UBE2K: variants seen among roughly 807,000 people sequenced by gnomAD.
UBE2K encodes the protein ubiquitin-conjugating enzyme E2 K.
In UBE2K, 6 loss-of-function variants were observed where a neutral mutation model predicts 30.0. The ratio of observed to expected loss-of-function variants is 0.20; its 90% CI spans 0.11 to 0.39. The LOEUF (loss-of-function observed/expected upper bound fraction) is 0.39, where lower values mean the gene tolerates loss of function less well. UBE2K is among the 10% of genes least tolerant of loss of function. The pLI, the probability that UBE2K is intolerant of heterozygous loss-of-function variation, is 1.00. For missense variants in UBE2K, 61 were observed against 241.6 expected (o/e 0.25, Z 4.96); for synonymous variants, 86 against 83.7 (o/e 1.03, Z -0.15).
At chr4:39,777,912 A>C in intron 6 of UBE2K, 102 bp downstream of exon 6, 1 of 1,160,624 alleles carries the variant, frequency 8.6e-7, no homozygotes, top group Non-Finnish European at 1.1e-6. Context: ...AGAAATTCGC[A>C]GCCTGGGCAA....
At chr4:39,719,623 A>C (rs1719310237) in intron 1 of UBE2K, among the ~76,000 whole-genome samples, 1 of 151,768 alleles carries the variant, frequency 6.6e-6, no homozygotes, top group African/African-American at 2.4e-5. Context: ...TAGTCTATGT[A>C]CTCTTTTCTC....
chr4:39,699,454 G>A (rs1440664753), intron 1 of UBE2K, among the ~76,000 whole-genome samples: 1 of 152,128 alleles, frequency 6.6e-6, no homozygotes, highest in African/African-American at 2.4e-5. Flanking sequence ...GCAGAATTTA[G>A]ATACATTTGT....
chr4:39,703,440 G>A (rs936853757), intron 1 of UBE2K, among the ~76,000 whole-genome samples: 9 of 152,096 alleles, frequency 5.9e-5, no homozygotes, highest in Non-Finnish European at 8.8e-5. Context: ...TTGAGCCCAT[G>A]AGGTCAAGGC....
At chr4:39,707,735 G>A (rs1216761936) in intron 1 of UBE2K, among the ~76,000 whole-genome samples, 1 of 151,496 alleles carries the variant, frequency 6.6e-6, no homozygotes, top group Non-Finnish European at 1.5e-5. Flanking sequence ...GCCCAGGTTG[G>A]TCTTGAACTC....
At chr4:39,767,320 TTTTG>T (rs539102189) in intron 4 of UBE2K, among the ~76,000 whole-genome samples, 32 of 150,014 alleles carry the variant, frequency 2.1e-4, no homozygotes, top group Admixed American at 1.4e-3. Context: ...TGTGTGTGTG[TTTTG>T]TTTGTTTGTT....
intron 1 of UBE2K, among the ~76,000 whole-genome samples, chr4:39,706,492 A>G (rs1454590152): frequency 2.9e-5 from 4 of 137,886 alleles, no homozygotes; most frequent in Non-Finnish European, 6.3e-5. Flanking sequence ...TTTTTTTCCC[A>G]GATGGAATCT....
At chr4:39,733,185 A>AT (rs1720176646) in intron 1 of UBE2K, among the ~76,000 whole-genome samples, 1 of 151,994 alleles carries the variant, frequency 6.6e-6, no homozygotes, top group Non-Finnish European at 1.5e-5. Context: ...ATTCTTCAGA[A>AT]TTTCACCCAA....
rs1369630912 is a variant in UBE2K, at chr4:39,780,055, A to G, written c.*1621A>G. On this transcript the variant is annotated 3_prime_UTR_variant, in exon 7 of 7. Transcript: ENST00000261427. ...AAAATTTGTAAGGCTTTCCTAATTAACAGTAAACTCTTATAGCTGATATTA... is the reference window on the plus strand; with the variant it reads ...AAAATTTGTAAGGCTTTCCTAATTAGCAGTAAACTCTTATAGCTGATATTA... 5 of 152,172 alleles carry G rather than the reference A, an allele frequency of 3.3e-5. No homozygotes were observed. Among genetic ancestry groups the G allele is most frequent in the Admixed American group, 3.3e-4 (5 of 15,272 alleles). The allele number at this position is 152,172 out of a possible 1,614,324, so 9.4% of individuals were successfully genotyped here.
intron 1 of UBE2K, among the ~76,000 whole-genome samples, chr4:39,721,034 C>G (rs977688422): frequency 4.6e-5 from 7 of 152,062 alleles, no homozygotes; most frequent in African/African-American, 1.7e-4. Flanking sequence ...GGCCTGAGCC[C>G]CTGCCTGGCC....
chr4:39,753,131 A>G (rs1018233737), intron 3 of UBE2K, among the ~76,000 whole-genome samples: 1 of 152,240 alleles, frequency 6.6e-6, no homozygotes, highest in African/African-American at 2.4e-5. Context: ...GCTCACGCCT[A>G]TAATCCTAGT....
In UBE2K at chr4:39,781,226, T is replaced by A. The variant is rs1027128344; in HGVS notation, c.*2792T>A. 1 of 152,164 alleles carries A rather than the reference T, an allele frequency of 6.6e-6. No individual in the cohort carries two copies. Among genetic ancestry groups the A allele is most frequent in the African/African-American group, 2.4e-5 (1 of 41,466 alleles). The allele number at this position is 152,164 out of a possible 1,614,324, so 9.4% of individuals were successfully genotyped here. ...ACCCCGAAATGTTTGGAATCACGAC[T>A]ATGATTTACTTAAACACGTAACACA... On this transcript the variant is annotated 3_prime_UTR_variant, in exon 7 of 7. Coordinates refer to ENST00000261427, the MANE Select transcript of UBE2K (RefSeq NM_005339.5).
At chr4:39,770,602 T>A in intron 4 of UBE2K, 1 of 1,588,264 alleles carries the variant, frequency 6.3e-7, no homozygotes. Context: ...CCTCCCGGAG[T>A]CAACAGCAGG....
chr4:39,749,004 G>A (rs1026638233), intron 3 of UBE2K, among the ~76,000 whole-genome samples: 2 of 152,156 alleles, frequency 1.3e-5, no homozygotes, highest in African/African-American at 2.4e-5. Context: ...TTGCTGAATT[G>A]TGTGTTCACA....
At chr4:39,764,106 A>G (rs1712151486) in intron 4 of UBE2K, among the ~76,000 whole-genome samples, 1 of 152,166 alleles carries the variant, frequency 6.6e-6, no homozygotes, top group Non-Finnish European at 1.5e-5. Flanking sequence ...CTGTAATCCT[A>G]GCATTTGGGA....
chr4:39,739,706 A>C (rs1720587207), intron 2 of UBE2K, among the ~76,000 whole-genome samples: 2 of 152,088 alleles, frequency 1.3e-5, no homozygotes, highest in Non-Finnish European at 2.9e-5. Flanking sequence ...CAGCCTCCCA[A>C]AGTGCTGAGA....
intron 1 of UBE2K, among the ~76,000 whole-genome samples, chr4:39,718,806 C>T (rs542108402): frequency 2.3e-4 from 35 of 152,368 alleles, no homozygotes; most frequent in Admixed American, 3.3e-4. Context: ...GTGCTGAGCC[C>T]GCCAAGCCCA....
chr4:39,733,677 A>G (rs770070106), intron 1 of UBE2K, among the ~76,000 whole-genome samples: 8 of 152,174 alleles, frequency 5.3e-5, no homozygotes, highest in Admixed American at 2.6e-4. Flanking sequence ...AAGGGGAACT[A>G]TGCTGCTTAC....
chr4:39,767,309 T>TTTTTTG (rs572005753), intron 4 of UBE2K, among the ~76,000 whole-genome samples: 5 of 150,856 alleles, frequency 3.3e-5, no homozygotes, highest in African/African-American at 1.2e-4. Context: ...GTTTTTTTTT[T>TTTTTTG]TGTGTGTGTG....
chr4:39,698,550 T>G (rs1440505489), intron 1 of UBE2K, among the ~76,000 whole-genome samples, 160 bp downstream of exon 1: 2 of 151,996 alleles, frequency 1.3e-5, no homozygotes, highest in Non-Finnish European at 2.9e-5. Flanking sequence ...TTCCGCCGCC[T>G]TCCCCTCCCC....
Sources: gnomAD v4.1 joint callset for allele counts (sites outside exome capture counted in the v4.1 genomes callset) on GRCh38, gnomAD v4.1.1 for gene constraint, MANE v1.5 for transcripts, NCBI Gene and HGNC (gene_info 2026-07-23, HGNC 2026-07-21) for gene names.